The following ITK variants were observed in gnomAD, a reference collection of about 807,000 sequenced individuals.
The protein encoded by ITK is tyrosine-protein kinase ITK/TSK.
ITK carries 45 observed loss-of-function variants against 87.6 expected under a neutral mutation model. The observed-to-expected ratio is 0.51, with a 90% CI of 0.40 to 0.66. The LOEUF (loss-of-function observed/expected upper bound fraction) is 0.66. Ranked by LOEUF, ITK falls within the 30% of genes least tolerant of loss-of-function variation. The pLI is 0.00. For missense variants in ITK, 605 were observed against 766.3 expected (o/e 0.79, Z 2.48); for synonymous variants, 303 against 273.6 (o/e 1.11, Z -1.06).
At chr5:157,217,077 G>A (rs910677856) in intron 4 of ITK, among the ~76,000 whole-genome samples, 1 of 152,094 alleles carries the variant, frequency 6.6e-6, no homozygotes, top group African/African-American at 2.4e-5. Flanking sequence ...GTACCACAGA[G>A]AGCCCCAGAC....
chr5:157,204,501 C>A (rs1754041437), intron 1 of ITK, among the ~76,000 whole-genome samples: 1 of 152,148 alleles, frequency 6.6e-6, no homozygotes, highest in Non-Finnish European at 1.5e-5. Context: ...AGATGGAGAC[C>A]ATCCTGGCTA....
chr5:157,246,377 TCAA>T (rs1755020507), intron 15 of ITK, among the ~76,000 whole-genome samples: 2 of 152,184 alleles, frequency 1.3e-5, no homozygotes, highest in Non-Finnish European at 2.9e-5. Flanking sequence ...ATTCATTCAT[TCAA>T]CAACAATTAA....
At chr5:157,215,092 C>T (rs972038255) in intron 4 of ITK, among the ~76,000 whole-genome samples, 1 of 152,168 alleles carries the variant, frequency 6.6e-6, no homozygotes, top group Non-Finnish European at 1.5e-5. Flanking sequence ...GCTCTTGTTC[C>T]TCTCAACCAT....
chr5:157,200,642 G>A (rs1243294888), intron 1 of ITK, among the ~76,000 whole-genome samples: 1 of 152,186 alleles, frequency 6.6e-6, no homozygotes, highest in Non-Finnish European at 1.5e-5. Flanking sequence ...CAACCAGTCA[G>A]GATGGATTGT....
At chr5:157,200,055 A>G (rs1297493967) in intron 1 of ITK, among the ~76,000 whole-genome samples, 2 of 150,024 alleles carry the variant, frequency 1.3e-5, no homozygotes, top group African/African-American at 5.0e-5. Context: ...TTTGTTAAAA[A>G]AGAGAAAAAG....
At chr5:157,189,497 T>C (rs1199510935) in intron 1 of ITK, among the ~76,000 whole-genome samples, 2 of 152,184 alleles carry the variant, frequency 1.3e-5, no homozygotes, top group Non-Finnish European at 2.9e-5. Flanking sequence ...CTAGCCAACA[T>C]GGCGAAACCC....
intron 16 of ITK, 51 bp from the exon 17 acceptor site, chr5:157,252,556 C>A: frequency 7.3e-7 from 1 of 1,366,398 alleles, no homozygotes; most frequent in Non-Finnish European, 1.0e-6. Context: ...TTGGATTTAC[C>A]TATGACGCAT....
Position 157,252,797 on chromosome 5 carries a change from G to A in ITK, c.*119G>A, listed in dbSNP as rs1755169460. 1 of 790,962 alleles carries A rather than the reference G, an allele frequency of 1.3e-6. No individual in the cohort carries two copies. The highest frequency in any genetic ancestry group is 1.7e-5 in the African/African-American group (1 of 59,600). The allele number at this position is 790,962 out of a possible 1,614,324, so 49.0% of individuals were successfully genotyped here. On this transcript the variant is annotated 3_prime_UTR_variant, in exon 17 of 17. Coordinates refer to ENST00000422843, the MANE Select transcript of ITK (RefSeq NM_005546.4). ...GGACCCTCCAGAGGCAGCCTGGCCT[G>A]TGGCATCAGTCCCTGAGTCACCATG...
intron 1 of ITK, among the ~76,000 whole-genome samples, chr5:157,187,002 T>A (rs1036912938): frequency 1.3e-5 from 2 of 152,222 alleles, no homozygotes; most frequent in African/African-American, 4.8e-5. Context: ...ATCTAACACA[T>A]GGTCTCGTCT....
chr5:157,190,023 C>A (rs1753723611), intron 1 of ITK, among the ~76,000 whole-genome samples: 1 of 152,166 alleles, frequency 6.6e-6, no homozygotes, highest in Non-Finnish European at 1.5e-5. Context: ...GTCTGTAATG[C>A]CTTCCCATGC....
chr5:157,241,887 A>G (rs1283916772), intron 11 of ITK, among the ~76,000 whole-genome samples, 167 bp downstream of exon 11: 1 of 152,252 alleles, frequency 6.6e-6, no homozygotes, highest in Non-Finnish European at 1.5e-5. Context: ...CATTGTGTGT[A>G]AGAGAAGTAC....
At chr5:157,239,396 G>A (rs1754841683) in intron 9 of ITK, among the ~76,000 whole-genome samples, 1 of 152,192 alleles carries the variant, frequency 6.6e-6, no homozygotes, top group African/African-American at 2.4e-5. Context: ...TACCAGGGGA[G>A]CTCATTAGAG....
chr5:157,208,448 G>GA (rs904201486), intron 1 of ITK, among the ~76,000 whole-genome samples: 3 of 150,786 alleles, frequency 2.0e-5, no homozygotes, highest in African/African-American at 4.9e-5. Context: ...GCCAGAGGCA[G>GA]AAAAAAAAAG....
At chr5:157,232,528 G>A (rs988934284) in intron 8 of ITK, 134 bp downstream of exon 8, 2 of 499,676 alleles carry the variant, frequency 4.0e-6, no homozygotes, top group East Asian at 1.1e-4. Flanking sequence ...GTTACAGTGA[G>A]CTATCATTGT....
chr5:157,204,985 T>G (rs1362870534), intron 1 of ITK, among the ~76,000 whole-genome samples: 1 of 152,164 alleles, frequency 6.6e-6, no homozygotes, highest in Non-Finnish European at 1.5e-5. Flanking sequence ...AAACAGGAAG[T>G]AAAGACTGAA....
At chr5:157,224,527 G>A (rs1754491949) in intron 6 of ITK, 1 of 152,128 alleles carries the variant, frequency 6.6e-6, no homozygotes, top group Non-Finnish European at 1.5e-5. Context: ...TGTAATCCCA[G>A]CACTTTGATT....
chr5:157,243,505 C>A (rs1580907861), intron 11 of ITK, 118 bp from the exon 12 acceptor site: 4 of 844,764 alleles, frequency 4.7e-6, no homozygotes, highest in East Asian at 4.8e-5. Context: ...TATTTGCCAT[C>A]TTTGAATTAT....
At chr5:157,216,733 G>A (rs1007014798) in intron 4 of ITK, among the ~76,000 whole-genome samples, 12 of 152,130 alleles carry the variant, frequency 7.9e-5, no homozygotes, top group African/African-American at 2.9e-4. Context: ...GCTAGTATTG[G>A]TGAAGCCAGA....
intron 9 of ITK, among the ~76,000 whole-genome samples, chr5:157,238,729 C>A (rs1006433429): frequency 1.3e-5 from 2 of 152,176 alleles, no homozygotes; most frequent in Admixed American, 1.3e-4. Flanking sequence ...CTGAAGGGGC[C>A]AAGCCACATC....
Sources: gnomAD v4.1 joint callset for allele counts (sites outside exome capture counted in the v4.1 genomes callset) on GRCh38, gnomAD v4.1.1 for gene constraint, MANE v1.5 for transcripts, NCBI Gene and HGNC (gene_info 2026-07-23, HGNC 2026-07-21) for gene names.